Variants in PRDM16 observed in about 807,000 individuals in gnomAD.
PRDM16 encodes the protein PR/SET domain 16, also known as histone-lysine N-methyltransferase PRDM16.
Under a neutral mutation model 110.6 loss-of-function variants are expected in PRDM16, and 23 were observed. The ratio of observed to expected loss-of-function variants is 0.21; its 90% CI spans 0.15 to 0.29. The LOEUF is 0.29. Among genes scored for constraint, PRDM16 ranks in the 10% least tolerant of loss-of-function variants. The probability of loss-of-function intolerance (pLI) is 1.00; values close to 1 mark genes in which losing one functional copy is unlikely to be tolerated. For missense variants in PRDM16, 1,615 were observed against 1,794.3 expected (o/e 0.90, Z 1.81); for synonymous variants, 799 against 781.8 (o/e 1.02, Z -0.37).
chr1:3,251,961 A>G (rs1639943379), intron 3 of PRDM16, among the ~76,000 whole-genome samples: 1 of 152,200 alleles, frequency 6.6e-6, no homozygotes, highest in Non-Finnish European at 1.5e-5. Context: ...TCTTCCACAC[A>G]GCCACGCCGC....
chr1:3,113,754 C>G (rs1031310375), intron 1 of PRDM16, among the ~76,000 whole-genome samples: 1 of 152,318 alleles, frequency 6.6e-6, no homozygotes, highest in Admixed American at 6.5e-5. Context: ...GCAGAACCCC[C>G]GTCTGGGGGC....
At chr1:3,110,848 G>A (rs1032802819) in intron 1 of PRDM16, among the ~76,000 whole-genome samples, 1 of 152,148 alleles carries the variant, frequency 6.6e-6, no homozygotes. Flanking sequence ...GCTTGGGGCC[G>A]GGATGAGGTG....
rs960654013 is a variant in PRDM16 at position 3,292,972 on chromosome 1, G to A, written c.438+48835G>A. ...GACCCTCACGGAGGCACTCCGCTCC[G>A]GGCATGACCTCGGACTCTTGAGGAG... On this transcript the variant is annotated intron_variant, in intron 3 of 16. Transcript: ENST00000270722. 3.3e-5 allele frequency among the ~76,000 whole-genome samples: 5 copies of A among 152,228 alleles called. No homozygotes were observed. In the East Asian group the frequency reaches 5.8e-4, roughly 18 times the overall value.
At position 3,144,589 on chromosome 1, in the gene PRDM16, C is replaced by T. The variant is rs533712324; in HGVS notation, c.38-41536C>T. On this transcript the variant is annotated intron_variant, in intron 1 of 16. Transcript: ENST00000270722. ...CTGTGTGAAGCCCTCACTCTCTGTA[C>T]CTGCCAGTTGTAGACCCCACAGCAC... 5.9e-5 allele frequency among the ~76,000 whole-genome samples: 9 copies of T among 152,308 alleles called. No homozygotes were observed. The South Asian group carries it at 1.7e-3, about 28-fold the overall frequency.
chr1:3,281,718 G>A (rs1444111763), intron 3 of PRDM16, among the ~76,000 whole-genome samples: 1 of 152,178 alleles, frequency 6.6e-6, no homozygotes, highest in South Asian at 2.1e-4. Flanking sequence ...AGCTATGATC[G>A]GTTTGATGTG....
chr1:3,385,076 C>A, intron 3 of PRDM16, 76 bp from the exon 4 acceptor site: 1 of 1,571,734 alleles, frequency 6.4e-7, no homozygotes. Flanking sequence ...AGCCAGGTTT[C>A]TGGGTGGGCA....
intron 3 of PRDM16, among the ~76,000 whole-genome samples, chr1:3,348,449 C>CATTT: frequency 6.6e-6 from 1 of 152,306 alleles, no homozygotes; most frequent in South Asian, 2.1e-4. Flanking sequence ...CCAAAATCCG[C>CATTT]GGGCCAAGGA....
At chr1:3,126,754 C>A (rs1426275796) in intron 1 of PRDM16, among the ~76,000 whole-genome samples, 1 of 152,204 alleles carries the variant, frequency 6.6e-6, no homozygotes, top group Non-Finnish European at 1.5e-5. Context: ...GGGCCTGGGA[C>A]AATGAGGTGC....
intron 4 of PRDM16, chr1:3,396,190 C>T (rs1643383738): frequency 6.5e-6 from 3 of 462,926 alleles, no homozygotes; most frequent in Non-Finnish European, 8.4e-6. Flanking sequence ...TTGGTGGAAG[C>T]GGGGCTCTGC....
chr1:3,283,048 C>T (rs1421986503), intron 3 of PRDM16, among the ~76,000 whole-genome samples: 4 of 152,204 alleles, frequency 2.6e-5, no homozygotes, highest in Non-Finnish European at 4.4e-5. Context: ...GCTGTGAGGC[C>T]GGGTGGGAGG....
intron 1 of PRDM16, among the ~76,000 whole-genome samples, chr1:3,154,295 G>T (rs1386364980): frequency 1.3e-5 from 2 of 152,146 alleles, no homozygotes; most frequent in African/African-American, 4.8e-5. Flanking sequence ...TGGTGGGGGG[G>T]CAGGGGGACG....
At chr1:3,349,250 G>A (rs544249828) in intron 3 of PRDM16, among the ~76,000 whole-genome samples, 36 of 152,274 alleles carry the variant, frequency 2.4e-4, no homozygotes, top group Admixed American at 1.2e-3. Context: ...GAGGGTCCCC[G>A]CCCCACGGGA....
At chr1:3,322,017 TGA>T (rs910214560) in intron 3 of PRDM16, among the ~76,000 whole-genome samples, 4 of 150,438 alleles carry the variant, frequency 2.7e-5, no homozygotes, top group Admixed American at 2.6e-4. Flanking sequence ...CGTTTGTGTG[TGA>T]GTGCAGATGT....
At chr1:3,091,909 C>A (rs1036392183) in intron 1 of PRDM16, among the ~76,000 whole-genome samples, 1 of 152,200 alleles carries the variant, frequency 6.6e-6, no homozygotes, top group East Asian at 1.9e-4. Context: ...TGGTCAGATG[C>A]GAGAGAATTC....
intron 1 of PRDM16, among the ~76,000 whole-genome samples, chr1:3,181,524 AAG>A (rs36223313): frequency 0.035 from 588 of 16,890 alleles, 201 homozygotes; most frequent in Non-Finnish European, 0.059. Context: ...AGTCTTACAC[AAG>A]CGGTCTTACA....
At chr1:3,113,537 G>A (rs12408126) in intron 1 of PRDM16, among the ~76,000 whole-genome samples, 17,650 of 152,170 alleles carry the variant, frequency 0.12, 1,106 homozygotes, top group Middle Eastern at 0.2. Flanking sequence ...GACCAAGGCC[G>A]AGGCCTGAGC....
At chr1:3,071,297 C>T (rs1202190080) in intron 1 of PRDM16, among the ~76,000 whole-genome samples, 6 of 152,254 alleles carry the variant, frequency 3.9e-5, no homozygotes, top group Admixed American at 6.5e-5. Context: ...TGGCCCGGGA[C>T]CGGGTCCGCT....
intron 3 of PRDM16, among the ~76,000 whole-genome samples, chr1:3,310,397 G>A (rs375153823): frequency 1.3e-3 from 194 of 152,256 alleles, no homozygotes; most frequent in African/African-American, 4.4e-3. Context: ...TGCTGAGCCC[G>A]GTGACCCTGA....
At chr1:3,129,370 T>A (rs1354613562) in intron 1 of PRDM16, among the ~76,000 whole-genome samples, 1 of 123,584 alleles carries the variant, frequency 8.1e-6, no homozygotes, top group Non-Finnish European at 1.5e-5. Flanking sequence ...CGTGGGTGAG[T>A]GTGTGGGTGC....
Sources: allele counts gnomAD v4.1 joint callset (sites outside exome capture counted in the v4.1 genomes callset), GRCh38; gene constraint gnomAD v4.1.1; transcripts MANE v1.5; gene names NCBI Gene and HGNC (gene_info 2026-07-23, HGNC 2026-07-21).